Variants in TOP3A observed in about 807,000 individuals in gnomAD.
TOP3A encodes DNA topoisomerase 3-alpha.
TOP3A carries 64 observed loss-of-function variants against 111.3 expected under a neutral mutation model. That is an observed-to-expected ratio of 0.57 (90% confidence interval 0.47 to 0.71). The LOEUF (loss-of-function observed/expected upper bound fraction) is 0.71. TOP3A is among the 30% of genes least tolerant of loss of function. The probability of loss-of-function intolerance (pLI) is 0.00; values close to 1 mark genes in which losing one functional copy is unlikely to be tolerated. For synonymous variants in TOP3A, 484 were observed against 485.1 expected, an observed-to-expected ratio of 1.00 and a Z score of 0.03; for missense variants, 1,104 against 1,285.0, an observed-to-expected ratio of 0.86 and a Z score of 2.15.
rs780995241 is a variant in TOP3A at position 18,305,484 on chromosome 17, A to ACG, written c.391-265_391-264insCG. On this transcript the variant is annotated intron_variant, in intron 4 of 18. Coordinates refer to ENST00000321105, the MANE Select transcript of TOP3A (RefSeq NM_004618.5). ...CCTGAAATTCAGCTCTAACACACAC[A>ACG]CACGCGCGCGCGCGCGCGCGCACGC... is the stretch of plus-strand genomic sequence containing the variant. Among the ~76,000 whole-genome samples, 325 of 147,984 alleles carry ACG rather than the reference A, an allele frequency of 2.2e-3. 1 individual carries two copies. The highest frequency in any genetic ancestry group is 6.9e-3 in the Middle Eastern group (2 of 290).
At chr17:18,299,151 T>C (rs1375078028) in intron 9 of TOP3A, among the ~76,000 whole-genome samples, 2 of 150,292 alleles carry the variant, frequency 1.3e-5, no homozygotes, top group Non-Finnish European at 3.0e-5. Flanking sequence ...AGTGGTTGGG[T>C]GTGGTGGCTT....
chr17:18,299,475 C>T (rs1981083888), intron 9 of TOP3A, 84 bp downstream of exon 9: 1 of 1,271,342 alleles, frequency 7.9e-7, no homozygotes, highest in Non-Finnish European at 1.1e-6. Flanking sequence ...TTTCTTCCAC[C>T]AAGCCACAGT....
chr17:18,307,238 C>T, intron 3 of TOP3A: 1 of 323,396 alleles, frequency 3.1e-6, no homozygotes, highest in Non-Finnish European at 5.7e-6. Context: ...TGAGGAACAC[C>T]AAAAGTGACT....
chr17:18,310,374 C>T (rs1280724415), intron 1 of TOP3A, among the ~76,000 whole-genome samples: 1 of 151,816 alleles, frequency 6.6e-6, no homozygotes, highest in East Asian at 1.9e-4. Context: ...TACAATGAGC[C>T]GAGATCTCAT....
chr17:18,306,709 T>G, intron 4 of TOP3A, 182 bp downstream of exon 4: 1 of 548,182 alleles, frequency 1.8e-6, no homozygotes, highest in South Asian at 2.3e-5. Context: ...AAAAAAAGTT[T>G]ACTTCAGTCC....
In TOP3A at chr17:18,292,667, G is replaced by C; in HGVS notation, c.1259C>G (p.Thr420Ser). Residue 420 changes from threonine to serine, a missense_variant, in exon 11 of 19, where the codon ACC (threonine) becomes AGC (serine). Transcript: ENST00000321105. ...AACCTGTAAGTTGTTGGTGTATTTG[G>C]TGGGGTGAATGGGAGGGTGAGCTTG... ...SDQAHPPIHP[T>S]KYTNNLQGDE... The C allele has an allele frequency of 6.3e-7, 1 of 1,581,704 alleles. No individual in the cohort carries two copies.
chr17:18,282,522 C>G (rs1206678371), intron 16 of TOP3A, among the ~76,000 whole-genome samples, 176 bp downstream of exon 16: 1 of 152,222 alleles, frequency 6.6e-6, no homozygotes, highest in African/African-American at 2.4e-5. Context: ...GTGCTTTACA[C>G]CTCAAAGGCC....
chr17:18,305,666 G>A (rs972770741), intron 4 of TOP3A, among the ~76,000 whole-genome samples: 6 of 151,754 alleles, frequency 4.0e-5, no homozygotes. Context: ...GTGAAACCCT[G>A]TCTCTACTAA....
intron 4 of TOP3A, chr17:18,306,562 C>G: frequency 5.2e-6 from 1 of 192,366 alleles, no homozygotes; most frequent in South Asian, 1.0e-4. Flanking sequence ...GAGATAGGGT[C>G]TCACTATGTT....
In TOP3A at chr17:18,285,416, G is replaced by A. The variant is rs771736565; in HGVS notation, c.1702C>T (p.Leu568Phe). The change falls in exon 14 of 19, where the codon CTT becomes TTT. Residue 568 changes from leucine (L) to phenylalanine (F), a missense_variant. Physicochemically the swap from Leu to Phe is conservative, Grantham distance 22. Transcript: ENST00000321105. ...RFLPGHLGMG[L>F]VEGYDSMGYE... ...CTCTGTCCTCCCTTACCTTCCACAA[G>A]TCCCATGCCCAGGTGCCCAGGGAGG... The A allele has an allele frequency of 1.2e-6, 2 of 1,614,036 alleles. No homozygotes were observed. The highest frequency in any genetic ancestry group is 1.7e-6 in the Non-Finnish European group (2 of 1,179,990).
intron 5 of TOP3A, among the ~76,000 whole-genome samples, chr17:18,304,342 T>C (rs1233585258): frequency 6.6e-6 from 1 of 152,242 alleles, no homozygotes; most frequent in Non-Finnish European, 1.5e-5. Context: ...AAGGGTTCTG[T>C]AGGGGAATTT....
At chr17:18,276,799 C>T (rs2142929931) in intron 18 of TOP3A, among the ~76,000 whole-genome samples, 1 of 152,340 alleles carries the variant, frequency 6.6e-6, no homozygotes, top group Middle Eastern at 3.4e-3. Context: ...CCAGGTGCCA[C>T]TTCTCATGAC....
chr17:18,314,825 T>G lies in TOP3A; in HGVS notation c.-47A>C. 6.8e-7 allele frequency: 1 copy of G among 1,462,012 alleles called. No individual in the cohort carries two copies. The highest frequency in any genetic ancestry group is 2.7e-5 in the East Asian group (1 of 37,254). 90.6% of individuals were successfully genotyped at this position (1,462,012 alleles called of 1,614,324 possible). A position where few individuals can be genotyped will look rare whatever the true frequency, so the allele number is the denominator to read the frequency against. The stretch of plus-strand genomic sequence containing the variant: ...CCGCTCCCCGGCTGCCGGCGCATCC[T>G]GGGGAAGCCAGAGATGAGGCTCAAA... On this transcript the variant is annotated 5_prime_UTR_variant, in exon 1 of 19. Coordinates refer to ENST00000321105, the MANE Select transcript of TOP3A (RefSeq NM_004618.5).
At position 18,290,465 on chromosome 17, in the gene TOP3A, T is replaced by C. The variant is rs949854299; in HGVS notation, c.1597+92A>G. On this transcript the variant is annotated intron_variant, in intron 13 of 18. Transcript: ENST00000321105. ...TGGGATAAAGATATAGCAGCTGCATTAGAGAATGGTTTGAAGACTAGAGGA... is the reference window on the plus strand; with the variant it reads ...TGGGATAAAGATATAGCAGCTGCATCAGAGAATGGTTTGAAGACTAGAGGA... The C allele has an allele frequency of 5.2e-6, 7 of 1,346,746 alleles. No individual in the cohort carries two copies. The African/African-American group carries it at 8.8e-5, about 17-fold the overall frequency. 83.4% of individuals were successfully genotyped at this position (1,346,746 alleles called of 1,614,324 possible). A position where few individuals can be genotyped will look rare whatever the true frequency, so the allele number is the denominator to read the frequency against.
chr17:18,280,738 C>T lies in TOP3A; in HGVS notation c.2022-80G>A. ...TTGGCCATCAGCTAAGGCAGCCTTT[C>T]CTCAGCTGCCCGAGGACAACATTCC... On this transcript the variant is annotated intron_variant, in intron 16 of 18. Coordinates refer to ENST00000321105, the MANE Select transcript of TOP3A (RefSeq NM_004618.5). The T allele has an allele frequency of 2.0e-6, 3 of 1,513,500 alleles. No homozygotes were observed. The South Asian group carries it at 3.6e-5, about 18-fold the overall frequency. The allele number at this position is 1,513,500 out of a possible 1,614,324, so 93.8% of individuals were successfully genotyped here. A position where few individuals can be genotyped will look rare whatever the true frequency, so the allele number is the denominator to read the frequency against.
chr17:18,296,476 A>T (rs1021600593), intron 9 of TOP3A, among the ~76,000 whole-genome samples: 2 of 152,094 alleles, frequency 1.3e-5, no homozygotes, highest in Admixed American at 1.3e-4. Context: ...GCTACTCAGG[A>T]GGCTGAGGCA....
chr17:18,298,685 G>A (rs1378803746), intron 9 of TOP3A, among the ~76,000 whole-genome samples: 1 of 151,780 alleles, frequency 6.6e-6, no homozygotes, highest in Non-Finnish European at 1.5e-5. Flanking sequence ...AGACGTGGGA[G>A]ACTTTTCATT....
At chr17:18,285,664 G>A in intron 13 of TOP3A, 144 bp from the exon 14 acceptor site, 1 of 626,930 alleles carries the variant, frequency 1.6e-6, no homozygotes, top group East Asian at 2.8e-5. Flanking sequence ...TTCCCATATA[G>A]CTCATTCAAG....
chr17:18,277,718 C>G lies in TOP3A; in HGVS notation c.2784G>C (p.Gln928His), dbSNP rs773259003. ...CGACCCACTGGAAAAAGCCACACTGCTGCTCTCTCGGCTTGGCACATGTGT... is the reference window on the plus strand; with the variant it reads ...CGACCCACTGGAAAAAGCCACACTGGTGCTCTCTCGGCTTGGCACATGTGT... ...QFHTCAKPRE[Q>H]QCGFFQWVDE... Residue 928 changes from glutamine to histidine, a missense_variant, in exon 18 of 19, where the codon CAG becomes CAC. Transcript: ENST00000321105. The G allele has an allele frequency of 1.2e-6, 2 of 1,613,648 alleles. No homozygotes were observed. Among genetic ancestry groups the G allele is most frequent in the East Asian group, 4.5e-5 (2 of 44,870 alleles).
Sources: allele counts gnomAD v4.1 joint callset (sites outside exome capture counted in the v4.1 genomes callset), GRCh38; gene constraint gnomAD v4.1.1; transcripts MANE v1.5; gene names NCBI Gene and HGNC (gene_info 2026-07-23, HGNC 2026-07-21).